Variants in SEMA5B observed in about 807,000 individuals in gnomAD.
SEMA5B encodes semaphorin-5B.
SEMA5B carries 66 observed loss-of-function variants against 135.0 expected under a neutral mutation model. The observed-to-expected ratio is 0.49, with a 90% CI of 0.40 to 0.60. The LOEUF (loss-of-function observed/expected upper bound fraction) is 0.60. Among genes scored for constraint, SEMA5B ranks in the 20% least tolerant of loss-of-function variants. The pLI is 0.00. For missense variants in SEMA5B, 1,501 were observed against 1,566.3 expected (o/e 0.96, Z 0.70); for synonymous variants, 690 against 639.5 (o/e 1.08, Z -1.19).
At chr3:122,934,202 C>A (rs7625090) in intron 5 of SEMA5B, among the ~76,000 whole-genome samples, 61,986 of 151,280 alleles carry the variant, frequency 0.41, 13,116 homozygotes, top group East Asian at 0.68. Flanking sequence ...CCACCGTGCC[C>A]GGCCCAAAAA....
rs1331759887 is a variant in SEMA5B, at chr3:122,913,362, C to A, written c.2343G>T (p.Pro781=). The change falls in exon 17 of 23, where the codon CCG becomes CCT. Residue 781 remains proline (P), a synonymous_variant. Transcript: ENST00000357599. Reference sequence around the variant, plus strand: ...CCTGCGTCACGTTCACGGGCAGCCACGGCGTCCAGGGGGTGTTGCGCCGCA... The same window carrying A: ...CCTGCGTCACGTTCACGGGCAGCCAAGGCGTCCAGGGGGTGTTGCGCCGCA... ...PEVRRNTPWT[P]WLPVNVTQGG... is the part of the protein sequence containing the mutation. The A allele has an allele frequency of 6.3e-7, 1 of 1,583,524 alleles. No individual in the cohort carries two copies.
intron 2 of SEMA5B, among the ~76,000 whole-genome samples, chr3:122,950,139 T>C (rs1387198261): frequency 6.6e-6 from 1 of 152,190 alleles, no homozygotes; most frequent in African/African-American, 2.4e-5. Context: ...AGGCAAAGAA[T>C]ATACATACAA....
At chr3:122,999,706 G>C (rs573002922) in intron 1 of SEMA5B, among the ~76,000 whole-genome samples, 9 of 152,102 alleles carry the variant, frequency 5.9e-5, no homozygotes, top group African/African-American at 2.2e-4. Context: ...CCAATGGAGC[G>C]GGAGGCTGGC....
chr3:123,021,856 C>G (rs1159424537), intron 1 of SEMA5B, among the ~76,000 whole-genome samples: 1 of 152,150 alleles, frequency 6.6e-6, no homozygotes, highest in Non-Finnish European at 1.5e-5. Flanking sequence ...CAATATACAG[C>G]AGAGTTACCT....
rs61996303 is a variant in SEMA5B at position 122,911,525 on chromosome 3, T to C, written c.3057A>G (p.Pro1019=). Residue 1019 remains proline, a synonymous_variant, in exon 21 of 23, where the codon CCA becomes CCG. Transcript: ENST00000357599. ...CPYSEIPVIL[P]ASSMEEATDC... is the part of the protein sequence containing the mutation. ...CGGTGGCCTCCTCCATGCTGGAGGC[T>C]GGCAGGATGACTGCAGGAAGACCAG... 18,141 of 1,610,152 alleles carry C rather than the reference T, an allele frequency of 0.011. 198 individuals are homozygous for C. The highest frequency in any genetic ancestry group is 0.06 in the Middle Eastern group (346 of 5,762).
At chr3:122,981,237 C>T (rs560250847) in intron 1 of SEMA5B, among the ~76,000 whole-genome samples, 4 of 152,352 alleles carry the variant, frequency 2.6e-5, no homozygotes, top group African/African-American at 9.6e-5. Context: ...ACATAAGAGA[C>T]ACCTGAAGAG....
chr3:123,002,378 A>G (rs568792686), intron 1 of SEMA5B, among the ~76,000 whole-genome samples: 28 of 152,310 alleles, frequency 1.8e-4, no homozygotes, highest in African/African-American at 6.3e-4. Flanking sequence ...CCTGCTCCCA[A>G]ATGCTTTTGT....
At chr3:123,019,383 C>T (rs927963756) in intron 1 of SEMA5B, among the ~76,000 whole-genome samples, 5 of 152,112 alleles carry the variant, frequency 3.3e-5, no homozygotes, top group African/African-American at 1.2e-4. Context: ...ATCACTTGAG[C>T]CCAGGAGTCT....
At chr3:122,963,830 T>A (rs969222811) in intron 1 of SEMA5B, among the ~76,000 whole-genome samples, 2 of 152,208 alleles carry the variant, frequency 1.3e-5, no homozygotes, top group Admixed American at 6.5e-5. Flanking sequence ...TCCAGGTTCT[T>A]TCTACCCTCT....
At chr3:122,966,559 TATTA>T (rs1560378849) in intron 1 of SEMA5B, among the ~76,000 whole-genome samples, 3,411 of 149,340 alleles carry the variant, frequency 0.023, 161 homozygotes, top group African/African-American at 0.08. Flanking sequence ...TTATTATTAT[TATTA>T]TTATTTTTTG....
At chr3:123,007,342 C>T (rs1223841057) in intron 1 of SEMA5B, among the ~76,000 whole-genome samples, 1 of 152,122 alleles carries the variant, frequency 6.6e-6, no homozygotes, top group Non-Finnish European at 1.5e-5. Flanking sequence ...GAAGCCAAAG[C>T]CAGGATAACC....
intron 3 of SEMA5B, among the ~76,000 whole-genome samples, chr3:122,944,209 C>G (rs1352284138): frequency 6.6e-6 from 1 of 152,202 alleles, no homozygotes; most frequent in East Asian, 1.9e-4. Flanking sequence ...TCACCTTTTA[C>G]ATTCCCTAAA....
intron 1 of SEMA5B, among the ~76,000 whole-genome samples, chr3:122,979,600 G>A (rs537965974): frequency 1.4e-4 from 21 of 152,202 alleles, no homozygotes; most frequent in African/African-American, 3.9e-4. Context: ...AAGGGAGAGG[G>A]GGATTCACAA....
intron 1 of SEMA5B, among the ~76,000 whole-genome samples, chr3:122,988,211 T>C (rs1941759943): frequency 6.6e-6 from 1 of 152,164 alleles, no homozygotes; most frequent in South Asian, 2.1e-4. Flanking sequence ...ATGACTGTTC[T>C]AGAAAACCCC....
Position 122,939,471 on chromosome 3 carries a change from C to A in SEMA5B, c.429-1G>T. The A allele has an allele frequency of 6.2e-7, 1 of 1,612,324 alleles. No individual in the cohort carries two copies. The highest frequency in any genetic ancestry group is 8.5e-7 in the Non-Finnish European group (1 of 1,178,332). ...AAGGCTGAGTCTGAAGAGGTAGTTC[C>A]TGTGAAAATGGAAACAGACATCCTA... is the stretch of plus-strand genomic sequence containing the variant. On this transcript the variant is annotated splice_acceptor_variant, in intron 4 of 22. Coordinates refer to ENST00000357599, the MANE Select transcript of SEMA5B (RefSeq NM_001031702.4). LOFTEE classifies it high-confidence loss of function.
At chr3:122,993,706 A>C (rs1180008002) in intron 1 of SEMA5B, among the ~76,000 whole-genome samples, 1 of 151,978 alleles carries the variant, frequency 6.6e-6, no homozygotes, top group Non-Finnish European at 1.5e-5. Flanking sequence ...AGAATCCAGA[A>C]CAGGCAGGAG....
chr3:122,972,954 T>G (rs1941182706), intron 1 of SEMA5B, among the ~76,000 whole-genome samples: 1 of 152,234 alleles, frequency 6.6e-6, no homozygotes, highest in South Asian at 2.1e-4. Flanking sequence ...CAAGCCGTGA[T>G]GGCTCACACT....
intron 1 of SEMA5B, among the ~76,000 whole-genome samples, chr3:122,982,819 C>A (rs892987325): frequency 1.3e-5 from 2 of 152,222 alleles, no homozygotes; most frequent in Non-Finnish European, 1.5e-5. Flanking sequence ...CCTCCAGGCA[C>A]CTTGCCTGAT....
At chr3:122,958,780 C>A (rs911905881) in intron 2 of SEMA5B, among the ~76,000 whole-genome samples, 1 of 152,088 alleles carries the variant, frequency 6.6e-6, no homozygotes, top group East Asian at 1.9e-4. Context: ...GTATGGGGAG[C>A]CTCTCCTACC....
Sources: allele counts gnomAD v4.1 joint callset (sites outside exome capture counted in the v4.1 genomes callset), GRCh38; gene constraint gnomAD v4.1.1; transcripts MANE v1.5; gene names NCBI Gene and HGNC (gene_info 2026-07-23, HGNC 2026-07-21).